The following IQCE variants were observed in gnomAD, a reference collection of about 807,000 sequenced individuals.
The protein encoded by IQCE is IQ motif containing E.
IQCE carries 115 observed loss-of-function variants against 96.0 expected under a neutral mutation model. The ratio of observed to expected loss-of-function variants is 1.20; its 90% CI spans 1.03 to 1.40. The LOEUF is 1.40. IQCE is among the 40% of genes most tolerant of loss of function. The probability of loss-of-function intolerance (pLI) is 0.00; values close to 1 mark genes in which losing one functional copy is unlikely to be tolerated. For synonymous variants in IQCE, 412 were observed against 371.2 expected, an observed-to-expected ratio of 1.11 and a Z score of -1.26; for missense variants, 1,041 against 909.1, an observed-to-expected ratio of 1.15 and a Z score of -1.87.
In IQCE at chr7:2,607,771, G is replaced by A. The variant is rs142165176; in HGVS notation, c.1969+544G>A. On this transcript the variant is annotated intron_variant, in intron 21 of 21. Coordinates refer to ENST00000402050, the MANE Select transcript of IQCE (RefSeq NM_152558.5). ...AAGCCACTCTCCACCCCAAATCTATGCTGCTCTGCGTGGACTTGAGATCCC... is the reference window on the plus strand; with the variant it reads ...AAGCCACTCTCCACCCCAAATCTATACTGCTCTGCGTGGACTTGAGATCCC... 3.6e-3 allele frequency among the ~76,000 whole-genome samples: 548 copies of A among 152,262 alleles called. 1 individual carries two copies. The highest frequency in any genetic ancestry group is 9.6e-3 in the African/African-American group (398 of 41,546).
At chr7:2,605,129 C>T in intron 19 of IQCE, 138 bp downstream of exon 19, 1 of 639,258 alleles carries the variant, frequency 1.6e-6, no homozygotes, top group South Asian at 1.8e-5. Flanking sequence ...CGCTCCATCC[C>T]TGGCCACGCA....
At chr7:2,607,097 C>T (rs1784887568) in intron 20 of IQCE, 27 bp from the exon 21 acceptor site, 2 of 1,568,414 alleles carry the variant, frequency 1.3e-6, no homozygotes, top group East Asian at 2.3e-5. Context: ...AAAGCAGAAT[C>T]AGCTGGCGTT....
chr7:2,598,199 A>AG (rs1234836673), intron 16 of IQCE: 1 of 352,192 alleles, frequency 2.8e-6, no homozygotes, highest in African/African-American at 2.1e-5. Context: ...TCTCCCTCCC[A>AG]GGAGGCACTG....
At chr7:2,606,585 T>A (rs547047465) in intron 20 of IQCE, among the ~76,000 whole-genome samples, 1 of 152,138 alleles carries the variant, frequency 6.6e-6, no homozygotes, top group Non-Finnish European at 1.5e-5. Context: ...TCCCCTCTTA[T>A]CACAGACTGC....
intron 8 of IQCE, among the ~76,000 whole-genome samples, chr7:2,582,336 C>T (rs1782738192): frequency 6.6e-6 from 1 of 152,200 alleles, no homozygotes; most frequent in African/African-American, 2.4e-5. Flanking sequence ...GGTCAGTGTG[C>T]CCACGATGGC....
At chr7:2,580,883 G>C (rs893810091) in intron 8 of IQCE, among the ~76,000 whole-genome samples, 1 of 152,168 alleles carries the variant, frequency 6.6e-6, no homozygotes, top group Admixed American at 6.5e-5. Context: ...CCGAAGAGGG[G>C]AGTGGCCAGG....
At chr7:2,560,142 G>C (rs1780833763) in intron 1 of IQCE, among the ~76,000 whole-genome samples, 1 of 151,918 alleles carries the variant, frequency 6.6e-6, no homozygotes, top group South Asian at 2.1e-4. Flanking sequence ...GAGAGACAGA[G>C]TGAGGCTGAG....
At chr7:2,589,837 T>G in intron 13 of IQCE, 70 bp from the exon 14 acceptor site, 2 of 1,504,898 alleles carry the variant, frequency 1.3e-6, no homozygotes, top group Non-Finnish European at 1.8e-6. Flanking sequence ...TCAGTGTCTC[T>G]TTTCTGGGTT....
At chr7:2,577,215 G>A (rs1337510227) in intron 6 of IQCE, among the ~76,000 whole-genome samples, 2 of 152,250 alleles carry the variant, frequency 1.3e-5, no homozygotes, top group Non-Finnish European at 2.9e-5. Flanking sequence ...GTGCGTGGCT[G>A]TGTGTGGTGT....
intron 5 of IQCE, 51 bp from the exon 6 acceptor site, chr7:2,573,367 T>C (rs778535048): frequency 1.5e-5 from 13 of 873,394 alleles, no homozygotes; most frequent in Non-Finnish European, 2.5e-5. Flanking sequence ...AGCCAAGAAT[T>C]CTTTCTACTT....
chr7:2,598,819 C>A, intron 17 of IQCE, 187 bp downstream of exon 17: 1 of 446,112 alleles, frequency 2.2e-6, no homozygotes, highest in East Asian at 3.5e-5. Flanking sequence ...GCGTTTTGTG[C>A]AGTAGTGGAT....
intron 6 of IQCE, among the ~76,000 whole-genome samples, chr7:2,577,263 C>CGTGTGTGCG (rs1177683988): frequency 1.3e-5 from 2 of 151,284 alleles, no homozygotes; most frequent in Admixed American, 6.6e-5. Flanking sequence ...TACGTGGGGA[C>CGTGTGTGCG]GTGTGTGCGG....
Position 2,610,400 on chromosome 7 carries a change from T to C in IQCE, c.*238T>C. On this transcript the variant is annotated 3_prime_UTR_variant, in exon 22 of 22. Transcript: ENST00000402050. ...TCATCTCCAGCTGCAGCTCGGATGGTGGATTTTCAGTGCCAACAGACACAT... is the reference window on the plus strand; with the variant it reads ...TCATCTCCAGCTGCAGCTCGGATGGCGGATTTTCAGTGCCAACAGACACAT... 2.1e-6 allele frequency: 1 copy of C among 471,448 alleles called. No individual in the cohort carries two copies. Among genetic ancestry groups the C allele is most frequent in the South Asian group, 2.4e-5 (1 of 42,208 alleles). 29.2% of individuals were successfully genotyped at this position (471,448 alleles called of 1,614,324 possible).
chr7:2,588,959 CT>C (rs1783360657), intron 13 of IQCE, among the ~76,000 whole-genome samples: 1 of 152,094 alleles, frequency 6.6e-6, no homozygotes, highest in Non-Finnish European at 1.5e-5. Flanking sequence ...GCCACCGCGC[CT>C]GGCCTGGACC....
chr7:2,568,485 G>A (rs1349244241), intron 2 of IQCE, among the ~76,000 whole-genome samples: 1 of 152,184 alleles, frequency 6.6e-6, no homozygotes, highest in Non-Finnish European at 1.5e-5. Flanking sequence ...GTTTGGCATC[G>A]TGGTTGTCAC....
chr7:2,566,937 T>G (rs1272412075), intron 1 of IQCE, among the ~76,000 whole-genome samples, 179 bp from the exon 2 acceptor site: 1 of 152,222 alleles, frequency 6.6e-6, no homozygotes, highest in Non-Finnish European at 1.5e-5. Context: ...ACCCATTCCT[T>G]CTGATGAGAC....
chr7:2,589,857 G>C (rs1368582998), intron 13 of IQCE, 50 bp from the exon 14 acceptor site: 1 of 1,560,280 alleles, frequency 6.4e-7, no homozygotes, highest in Non-Finnish European at 8.8e-7. Context: ...TTGGTAAATA[G>C]AAAGTAGAAA....
At chr7:2,584,977 A>G (rs1039093298) in intron 11 of IQCE, among the ~76,000 whole-genome samples, 1 of 152,174 alleles carries the variant, frequency 6.6e-6, no homozygotes, top group Non-Finnish European at 1.5e-5. Context: ...CTCCATGAAC[A>G]TAGAACGAGC....
In IQCE at chr7:2,571,173, C is replaced by T. The variant is rs536848578; in HGVS notation, c.131-353C>T. Reference sequence around the variant, plus strand: ...AGCTGGGACCACAGGTGTGAGCCACCACACCCAGCTAATTTTTAGATTTTT... The same window carrying T: ...AGCTGGGACCACAGGTGTGAGCCACTACACCCAGCTAATTTTTAGATTTTT... On this transcript the variant is annotated intron_variant, in intron 3 of 21. Coordinates refer to ENST00000402050, the MANE Select transcript of IQCE (RefSeq NM_152558.5). 5.3e-4 allele frequency among the ~76,000 whole-genome samples: 80 copies of T among 152,180 alleles called. 1 individual carries two copies. Among genetic ancestry groups the T allele is most frequent in the African/African-American group, 1.9e-3 (79 of 41,510 alleles).
Sources: allele counts gnomAD v4.1 joint callset (sites outside exome capture counted in the v4.1 genomes callset), GRCh38; gene constraint gnomAD v4.1.1; transcripts MANE v1.5; gene names NCBI Gene and HGNC (gene_info 2026-07-23, HGNC 2026-07-21).